Variants in ZNF486 observed in about 807,000 individuals in gnomAD.
ZNF486 encodes KRAB box only protein 2.
A neutral mutation model predicts 12.8 loss-of-function variants in ZNF486; 12 were observed. The ratio of observed to expected loss-of-function variants is 0.94; its 90% CI spans 0.60 to 1.52. The LOEUF (loss-of-function observed/expected upper bound fraction) is 1.52, where lower values mean the gene tolerates loss of function less well. Ranked by LOEUF, ZNF486 falls within the 40% of genes most tolerant of loss-of-function variation. The pLI is 0.00. For missense variants in ZNF486, 738 were observed against 545.0 expected, an observed-to-expected ratio of 1.35 and a Z score of -3.53; for synonymous variants, 231 against 184.9, an observed-to-expected ratio of 1.25 and a Z score of -2.02.
At chr19:20,181,097 A>C (rs2089779539) in intron 1 of ZNF486, among the ~76,000 whole-genome samples, 1 of 152,112 alleles carries the variant, frequency 6.6e-6, no homozygotes, top group African/African-American at 2.4e-5. Flanking sequence ...GATCAGATTC[A>C]TGCTTTTTGG....
chr19:20,184,899 G>A (rs943046827), intron 2 of ZNF486, among the ~76,000 whole-genome samples: 1 of 152,126 alleles, frequency 6.6e-6, no homozygotes, highest in African/African-American at 2.4e-5. Context: ...ATCACCTGAA[G>A]TTGGGAGTTT....
chr19:20,196,485 T>C (rs922510130), intron 3 of ZNF486, among the ~76,000 whole-genome samples: 4 of 152,122 alleles, frequency 2.6e-5, no homozygotes, highest in Admixed American at 2.6e-4. Flanking sequence ...CCCATGACCA[T>C]GACTGGCTAA....
At chr19:20,195,684 T>C (rs2089951263) in intron 3 of ZNF486, among the ~76,000 whole-genome samples, 1 of 152,188 alleles carries the variant, frequency 6.6e-6, no homozygotes, top group Non-Finnish European at 1.5e-5. Context: ...TGGCTAGAGA[T>C]TCTGGGAATT....
chr19:20,200,228 TAG>T lies in ZNF486; in HGVS notation c.*2130_*2131del, dbSNP rs1275085305. 1 of 152,158 alleles carries T rather than the reference TAG, an allele frequency of 6.6e-6. No individual in the cohort carries two copies. Among genetic ancestry groups the T allele is most frequent in the Non-Finnish European group, 1.5e-5 (1 of 68,036 alleles). 9.4% of individuals were successfully genotyped at this position (152,158 alleles called of 1,614,324 possible). ...TCAATTTTTGCTGCATCAGAGATAT[TAG>T]AGATAGTTTTTTATTAATTGGGCAT... On this transcript the variant is annotated 3_prime_UTR_variant, in exon 4 of 4. Transcript: ENST00000335117.
intron 3 of ZNF486, 128 bp downstream of exon 3, chr19:20,186,210 TTTTA>T (rs149807694): frequency 3.1e-4 from 148 of 480,488 alleles, no homozygotes; most frequent in African/African-American, 2.2e-3. Flanking sequence ...TGGGCAGCTG[TTTTA>T]TTTATTTATT....
chr19:20,187,298 T>C (rs1370999798), intron 3 of ZNF486, among the ~76,000 whole-genome samples: 2 of 152,160 alleles, frequency 1.3e-5, no homozygotes, highest in African/African-American at 2.4e-5. Flanking sequence ...GTACTATTTA[T>C]TGATTTTTAA....
At chr19:20,169,114 C>G (rs556981245) in intron 1 of ZNF486, among the ~76,000 whole-genome samples, 59 of 152,012 alleles carry the variant, frequency 3.9e-4, no homozygotes, top group African/African-American at 1.3e-3. Context: ...GGTGGGGTTA[C>G]TACATTTTTT....
chr19:20,181,543 CAAAA>C (rs66504246), intron 1 of ZNF486, among the ~76,000 whole-genome samples: 1 of 127,994 alleles, frequency 7.8e-6, no homozygotes, highest in African/African-American at 2.7e-5. Flanking sequence ...TCTCAAAAAA[CAAAA>C]AAAAAAAAAG....
At position 20,167,243 on chromosome 19, in the gene ZNF486, G is replaced by C. The variant is rs782492507; in HGVS notation, c.-88G>C. On this transcript the variant is annotated 5_prime_UTR_variant, in exon 1 of 4. Transcript: ENST00000335117. The stretch of plus-strand genomic sequence containing the variant: ...CTCGCTGCATCTGGAGCTCTAGGTC[G>C]CCTCTTCGCTACTCTGTGTCCTCTG... The C allele has an allele frequency of 1.1e-5, 17 of 1,531,308 alleles. No individual in the cohort carries two copies. Among genetic ancestry groups the C allele is most frequent in the South Asian group, 2.2e-5 (2 of 89,332 alleles). The allele number at this position is 1,531,308 out of a possible 1,614,324, so 94.9% of individuals were successfully genotyped here.
intron 1 of ZNF486, among the ~76,000 whole-genome samples, chr19:20,174,331 T>A (rs1555714330): frequency 6.6e-6 from 1 of 152,184 alleles, no homozygotes; most frequent in East Asian, 1.9e-4. Context: ...CATAGTTATG[T>A]GTAATGTTTG....
chr19:20,180,260 T>A (rs1555715369), intron 1 of ZNF486, among the ~76,000 whole-genome samples: 1 of 152,186 alleles, frequency 6.6e-6, no homozygotes, highest in Non-Finnish European at 1.5e-5. Context: ...CCTTTTTTGG[T>A]ACCCAGATCA....
At chr19:20,181,197 C>T (rs943859237) in intron 1 of ZNF486, among the ~76,000 whole-genome samples, 1 of 152,154 alleles carries the variant, frequency 6.6e-6, no homozygotes, top group Non-Finnish European at 1.5e-5. Flanking sequence ...AATCCTGCTG[C>T]CTTTCTAGAG....
intron 1 of ZNF486, among the ~76,000 whole-genome samples, chr19:20,168,220 G>A (rs1006665263): frequency 2.9e-4 from 44 of 152,186 alleles, no homozygotes; most frequent in African/African-American, 1.0e-3. Flanking sequence ...TTAGCCAGGT[G>A]TGGTGGCAGG....
intron 1 of ZNF486, among the ~76,000 whole-genome samples, chr19:20,175,762 T>C (rs1481037631): frequency 2.0e-5 from 3 of 152,230 alleles, no homozygotes; most frequent in African/African-American, 4.8e-5. Context: ...CCATCCGATT[T>C]CTCAGTCTTT....
At chr19:20,187,401 C>T (rs904263443) in intron 3 of ZNF486, among the ~76,000 whole-genome samples, 2 of 151,666 alleles carry the variant, frequency 1.3e-5, no homozygotes, top group Non-Finnish European at 2.9e-5. Flanking sequence ...ATTCTTCTGC[C>T]ACATGCTTCC....
At chr19:20,191,861 CTGTT>C (rs1465101617) in intron 3 of ZNF486, among the ~76,000 whole-genome samples, 13 of 152,106 alleles carry the variant, frequency 8.5e-5, no homozygotes, top group Non-Finnish European at 1.2e-4. Context: ...CGTAAGTTGT[CTGTT>C]TCTCATTTTT....
intron 3 of ZNF486, among the ~76,000 whole-genome samples, chr19:20,191,480 A>T (rs1249459061): frequency 1.4e-5 from 2 of 143,452 alleles, no homozygotes; most frequent in Non-Finnish European, 3.0e-5. Flanking sequence ...AAAAAAAATT[A>T]TGCACTCGGC....
intron 3 of ZNF486, among the ~76,000 whole-genome samples, chr19:20,191,333 G>C (rs2089899905): frequency 6.6e-6 from 1 of 151,434 alleles, no homozygotes; most frequent in African/African-American, 2.4e-5. Context: ...CGGGCGTGCT[G>C]GTGGGCACCT....
chr19:20,169,498 C>G (rs567344023), intron 1 of ZNF486, among the ~76,000 whole-genome samples: 15 of 152,132 alleles, frequency 9.9e-5, no homozygotes, highest in African/African-American at 3.4e-4. Context: ...ATGGAAGGAG[C>G]CTTTATCCTG....
Sources: allele counts gnomAD v4.1 joint callset (sites outside exome capture counted in the v4.1 genomes callset), GRCh38; gene constraint gnomAD v4.1.1; transcripts MANE v1.5; gene names NCBI Gene and HGNC (gene_info 2026-07-23, HGNC 2026-07-21).